The following NUP93 variants were observed in gnomAD, a reference collection of about 807,000 sequenced individuals.
NUP93 encodes nucleoporin 93.
NUP93 carries 55 observed loss-of-function variants against 107.8 expected under a neutral mutation model. The observed-to-expected ratio is 0.51, with a 90% CI of 0.41 to 0.64. NUP93 has a LOEUF of 0.64. Ranked by LOEUF, NUP93 falls within the 30% of genes least tolerant of loss-of-function variation. The probability of loss-of-function intolerance (pLI) is 0.00; values close to 1 mark genes in which losing one functional copy is unlikely to be tolerated. For missense variants in NUP93, 937 were observed against 1,044.7 expected, an observed-to-expected ratio of 0.90 and a Z score of 1.42; for synonymous variants, 390 against 397.5, an observed-to-expected ratio of 0.98 and a Z score of 0.22.
At chr16:56,744,264 C>CAA (rs1337492103) in intron 1 of NUP93, among the ~76,000 whole-genome samples, 45 of 152,096 alleles carry the variant, frequency 3.0e-4, no homozygotes, top group African/African-American at 1.1e-3. Context: ...ACAAAGCTTA[C>CAA]CGAGGTTATT....
intron 1 of NUP93, 146 bp from the exon 2 acceptor site, chr16:56,748,088 A>G (rs1961852467): frequency 3.6e-6 from 2 of 548,534 alleles, no homozygotes; most frequent in Admixed American, 3.1e-5. Flanking sequence ...GGCTATGTTC[A>G]GGAACAAATC....
In NUP93 at chr16:56,747,032, C is replaced by T. The variant is rs142604869; in HGVS notation, c.-14-1202C>T. Among the ~76,000 whole-genome samples the T allele has an allele frequency of 3.4e-3, 518 of 150,234 alleles. 1 individual carries two copies. The highest frequency in any genetic ancestry group is 0.011 in the African/African-American group (460 of 40,862). ...TTTTTTTCCAAGACAGAGTCTCACT[C>T]TATTGCCCAGGCTGGAATGCAGTGG... On this transcript the variant is annotated intron_variant, in intron 1 of 21. Transcript: ENST00000308159.
In NUP93 at chr16:56,748,134, A is replaced by C. The variant is rs568300212; in HGVS notation, c.-14-100A>C. On this transcript the variant is annotated intron_variant, in intron 1 of 21. Coordinates refer to ENST00000308159, the MANE Select transcript of NUP93 (RefSeq NM_014669.5). ...ATGAGCTGTGTCCTCGTCTGTTTAC[A>C]AAAAGTTCTGCTGTTTTGTTAAGCT... 4 of 788,484 alleles carry C rather than the reference A, an allele frequency of 5.1e-6. No individual in the cohort carries two copies. The East Asian group carries it at 7.6e-5, about 15-fold the overall frequency. The allele number at this position is 788,484 out of a possible 1,614,324, so 48.8% of individuals were successfully genotyped here.
Position 56,833,304 on chromosome 16 carries a change from C to G in NUP93, c.1435C>G (p.Leu479Val), listed in dbSNP as rs1290840484. ...TAQFEAAVAFLFRMERLRCHA... is the reference protein window; with the variant it reads ...TAQFEAAVAFVFRMERLRCHA... ...GCAGTTTGAAGCAGCAGTTGCCTTT[C>G]TTTTCCGCATGGAGCGGCTGCGCTG... Residue 479 changes from leucine (L) to valine (V), a missense_variant, in exon 13 of 22, where the codon CTT becomes GTT. By Grantham distance (32) the Leu-to-Val change is conservative. Transcript: ENST00000308159. 1 of 1,607,228 alleles carries G rather than the reference C, an allele frequency of 6.2e-7. No homozygotes were observed. Among genetic ancestry groups the G allele is most frequent in the African/African-American group, 1.3e-5 (1 of 74,458 alleles).
chr16:56,740,145 C>T (rs1485144470), intron 1 of NUP93, among the ~76,000 whole-genome samples: 52 of 144,938 alleles, frequency 3.6e-4, no homozygotes, highest in African/African-American at 1.0e-3. Context: ...ACCTCCCTCC[C>T]GGACGGGGTG....
At chr16:56,773,478 T>C (rs140930162) in intron 3 of NUP93, among the ~76,000 whole-genome samples, 2 of 152,340 alleles carry the variant, frequency 1.3e-5, no homozygotes, top group African/African-American at 2.4e-5. Flanking sequence ...GTATTAACTT[T>C]CTAGCTCAGG....
intron 5 of NUP93, among the ~76,000 whole-genome samples, chr16:56,811,560 G>A (rs1159778518): frequency 1.3e-5 from 2 of 151,948 alleles, no homozygotes; most frequent in South Asian, 2.1e-4. Context: ...ACCCAGGCTG[G>A]AGTGGAATGG....
intron 21 of NUP93, chr16:56,842,524 A>C (rs1340333941): frequency 2.3e-6 from 1 of 427,316 alleles, no homozygotes; most frequent in Admixed American, 2.8e-5. Context: ...TGACCCAGTT[A>C]AACCATAAGG....
intron 1 of NUP93, among the ~76,000 whole-genome samples, chr16:56,746,481 G>A (rs2052519801): frequency 6.6e-6 from 1 of 152,228 alleles, no homozygotes; most frequent in African/African-American, 2.4e-5. Context: ...AAGAGTTATT[G>A]TGTACGTGAA....
In NUP93 at chr16:56,837,658, C is replaced by T; in HGVS notation, c.1950C>T (p.Val650=). 2 of 1,614,154 alleles carry T rather than the reference C, an allele frequency of 1.2e-6. No individual in the cohort carries two copies. The highest frequency in any genetic ancestry group is 2.2e-5 in the East Asian group (1 of 44,888). ...ELMNKLLSPV[V]PQISAPQSNK... Reference sequence around the variant, plus strand: ...TGAACAAACTGCTGAGCCCTGTCGTCCCCCAGATCAGTGCCCCGCAATCCA... The same window carrying T: ...TGAACAAACTGCTGAGCCCTGTCGTTCCCCAGATCAGTGCCCCGCAATCCA... The change falls in exon 18 of 22, where the codon GTC becomes GTT. Residue 650 remains valine (V), a synonymous_variant. Transcript: ENST00000308159.
At chr16:56,802,253 A>T (rs1963036632) in intron 4 of NUP93, among the ~76,000 whole-genome samples, 1 of 152,202 alleles carries the variant, frequency 6.6e-6, no homozygotes, top group South Asian at 2.1e-4. Flanking sequence ...ATTGTGGCTC[A>T]CACTTGTCCA....
chr16:56,765,294 CT>C (rs1180235852), intron 3 of NUP93, among the ~76,000 whole-genome samples: 3 of 152,144 alleles, frequency 2.0e-5, no homozygotes, highest in Admixed American at 6.5e-5. Flanking sequence ...TATTTATCTC[CT>C]TTGTTATATT....
chr16:56,771,705 C>A (rs1962325625), intron 3 of NUP93, among the ~76,000 whole-genome samples: 1 of 152,096 alleles, frequency 6.6e-6, no homozygotes, highest in Non-Finnish European at 1.5e-5. Context: ...TCATTTTTTC[C>A]ATCTGAGATA....
At chr16:56,790,093 A>T (rs1161856977) in intron 3 of NUP93, among the ~76,000 whole-genome samples, 1 of 135,136 alleles carries the variant, frequency 7.4e-6, no homozygotes, top group Non-Finnish European at 1.6e-5. Flanking sequence ...GCAAAACTCC[A>T]TCTCAAAACA....
At chr16:56,839,808 T>G (rs1963985895) in intron 20 of NUP93, 1 of 544,210 alleles carries the variant, frequency 1.8e-6, no homozygotes, top group Admixed American at 3.2e-5. Context: ...TCTGAATTCC[T>G]AATTGAGAAA....
chr16:56,782,895 TTTCTTAAA>T (rs1162555260), intron 3 of NUP93, among the ~76,000 whole-genome samples: 15 of 152,234 alleles, frequency 9.9e-5, no homozygotes, highest in African/African-American at 3.4e-4. Context: ...TTCTTTTTTA[TTTCTTAAA>T]TTCAGTCTCA....
chr16:56,767,666 A>G (rs1962238872), intron 3 of NUP93, among the ~76,000 whole-genome samples: 1 of 152,228 alleles, frequency 6.6e-6, no homozygotes, highest in African/African-American at 2.4e-5. Flanking sequence ...TCAAGGTACC[A>G]AAATACACTA....
intron 1 of NUP93, among the ~76,000 whole-genome samples, chr16:56,747,694 G>A (rs1490048752): frequency 6.6e-6 from 1 of 152,232 alleles, no homozygotes; most frequent in Non-Finnish European, 1.5e-5. Context: ...CCAAATCACA[G>A]TAGAGAGTAT....
intron 21 of NUP93, among the ~76,000 whole-genome samples, chr16:56,844,187 G>A (rs1964078802): frequency 6.6e-6 from 1 of 152,172 alleles, no homozygotes; most frequent in Non-Finnish European, 1.5e-5. Context: ...TGAAGCTCAG[G>A]GCTGTGTCAA....
Sources: gnomAD v4.1 joint callset for allele counts (sites outside exome capture counted in the v4.1 genomes callset) on GRCh38, gnomAD v4.1.1 for gene constraint, MANE v1.5 for transcripts, NCBI Gene and HGNC (gene_info 2026-07-23, HGNC 2026-07-21) for gene names.